The following EPHA6 variants were observed in gnomAD, a reference collection of about 807,000 sequenced individuals.
EPHA6 encodes the protein ephrin type-A receptor 6.
Under a neutral mutation model 112.0 loss-of-function variants are expected in EPHA6, and 50 were observed. That is an observed-to-expected ratio of 0.45 (90% confidence interval 0.36 to 0.56). EPHA6 has a LOEUF of 0.56. EPHA6 is among the 20% of genes least tolerant of loss of function. The probability of loss-of-function intolerance (pLI) is 0.00; values close to 1 mark genes in which losing one functional copy is unlikely to be tolerated. For missense variants in EPHA6, 1,280 were observed against 1,417.4 expected (o/e 0.90, Z 1.56); for synonymous variants, 529 against 490.7 (o/e 1.08, Z -1.03).
intron 5 of EPHA6, among the ~76,000 whole-genome samples, 178 bp from the exon 6 acceptor site, chr3:97,404,972 T>G (rs968411615): frequency 1.3e-5 from 2 of 152,188 alleles, no homozygotes; most frequent in African/African-American, 4.8e-5. Context: ...CTAAATATAT[T>G]TAATGCCTTA....
chr3:97,054,375 G>A (rs2045785513), intron 3 of EPHA6, among the ~76,000 whole-genome samples: 1 of 152,100 alleles, frequency 6.6e-6, no homozygotes. Flanking sequence ...TCACAAACGT[G>A]ATTGCTATGA....
chr3:96,877,024 TA>T (rs2037001924), intron 2 of EPHA6, among the ~76,000 whole-genome samples: 1 of 152,108 alleles, frequency 6.6e-6, no homozygotes, highest in Non-Finnish European at 1.5e-5. Context: ...GTAGATGGCA[TA>T]GTAAGTGCTA....
chr3:96,855,723 G>A (rs532848026), intron 1 of EPHA6, among the ~76,000 whole-genome samples: 71 of 150,360 alleles, frequency 4.7e-4, no homozygotes, highest in African/African-American at 1.7e-3. Context: ...GATTCCTGAA[G>A]AACATAAAAT....
chr3:97,012,585 A>G (rs569305486), intron 3 of EPHA6, among the ~76,000 whole-genome samples: 35 of 141,170 alleles, frequency 2.5e-4, no homozygotes, highest in South Asian at 4.4e-4. Context: ...AAATTTATAT[A>G]TGTGTGTGTG....
At chr3:96,941,473 C>G (rs561543671) in intron 2 of EPHA6, among the ~76,000 whole-genome samples, 1 of 152,290 alleles carries the variant, frequency 6.6e-6, no homozygotes, top group Admixed American at 6.5e-5. Context: ...CACTTCTGTG[C>G]ATTGGTTATT....
In EPHA6 at chr3:97,092,694, A is replaced by T. The variant is rs181035817; in HGVS notation, c.1114+104701A>T. 1.5e-3 allele frequency among the ~76,000 whole-genome samples: 232 copies of T among 152,150 alleles called. 1 individual carries two copies. The highest frequency in any genetic ancestry group is 5.2e-3 in the African/African-American group (216 of 41,556). On this transcript the variant is annotated intron_variant, in intron 3 of 17. Transcript: ENST00000389672. Reference sequence around the variant, plus strand: ...ACTTGAAGTGTGACTCCTTGATGGAAGAAGCCATATTATAATATCGAGCAA... The same window carrying T: ...ACTTGAAGTGTGACTCCTTGATGGATGAAGCCATATTATAATATCGAGCAA...
intron 14 of EPHA6, among the ~76,000 whole-genome samples, chr3:97,693,398 T>G (rs1306061211): frequency 2.0e-5 from 3 of 152,260 alleles, no homozygotes; most frequent in African/African-American, 7.2e-5. Context: ...ATATTTAGTC[T>G]TCTTCTGAAG....
chr3:97,318,167 C>T (rs533639747), intron 5 of EPHA6, among the ~76,000 whole-genome samples: 2 of 151,936 alleles, frequency 1.3e-5, no homozygotes, highest in African/African-American at 4.8e-5. Flanking sequence ...AACATTTTAA[C>T]GTTAAAGTCC....
chr3:97,335,396 TAGAC>T (rs981734622), intron 5 of EPHA6, among the ~76,000 whole-genome samples: 2 of 152,184 alleles, frequency 1.3e-5, no homozygotes, highest in African/African-American at 4.8e-5. Flanking sequence ...TTTTATAAAT[TAGAC>T]AGTCTCAGGC....
At chr3:97,410,174 T>C (rs1369044981) in intron 6 of EPHA6, among the ~76,000 whole-genome samples, 2 of 152,050 alleles carry the variant, frequency 1.3e-5, no homozygotes, top group African/African-American at 4.8e-5. Flanking sequence ...CAATAAGTCT[T>C]TTTTCTTCCT....
At chr3:97,458,113 T>C (rs957066979) in intron 7 of EPHA6, among the ~76,000 whole-genome samples, 13 of 149,330 alleles carry the variant, frequency 8.7e-5, no homozygotes, top group African/African-American at 3.0e-4. Context: ...GTATTCATGT[T>C]ACACTTTACT....
Position 97,637,782 on chromosome 3 carries a change from C to T in EPHA6, c.2575-91C>T, listed in dbSNP as rs1017344957. 6.6e-6 allele frequency: 6 copies of T among 906,074 alleles called. No individual in the cohort carries two copies. The Middle Eastern group carries it at 8.9e-4, about 134-fold the overall frequency. 56.1% of individuals were successfully genotyped at this position (906,074 alleles called of 1,614,324 possible). ...AGTTGATGCTTATCTTCATTTGATC[C>T]AATAAAATAAATATAAGGATCTTAT... On this transcript the variant is annotated intron_variant, in intron 13 of 17. Coordinates refer to ENST00000389672, the MANE Select transcript of EPHA6 (RefSeq NM_001080448.3).
chr3:97,655,594 G>A (rs946587720), intron 14 of EPHA6, among the ~76,000 whole-genome samples: 1 of 151,904 alleles, frequency 6.6e-6, no homozygotes. Flanking sequence ...ACATACGTGT[G>A]CATGTGTCTT....
chr3:97,735,885 C>T (rs1388554291), intron 15 of EPHA6, 40 bp from the exon 16 acceptor site: 2 of 1,438,236 alleles, frequency 1.4e-6, no homozygotes, highest in African/African-American at 2.8e-5. Flanking sequence ...TGTATTACTG[C>T]CTAAAAATAA....
intron 5 of EPHA6, among the ~76,000 whole-genome samples, chr3:97,280,667 G>A (rs559971366): frequency 2.8e-4 from 43 of 152,210 alleles, no homozygotes; most frequent in Non-Finnish European, 5.1e-4. Context: ...TTGCTGTCTA[G>A]CATGTATACA....
At chr3:97,382,490 G>A (rs555388925) in intron 5 of EPHA6, among the ~76,000 whole-genome samples, 2 of 152,126 alleles carry the variant, frequency 1.3e-5, no homozygotes, top group East Asian at 3.9e-4. Context: ...AGGCATTAAG[G>A]AATTTTTGAA....
At chr3:97,264,932 C>G (rs538295457) in intron 5 of EPHA6, among the ~76,000 whole-genome samples, 1 of 152,274 alleles carries the variant, frequency 6.6e-6, no homozygotes, top group South Asian at 2.1e-4. Context: ...GTTCAGGTCT[C>G]AGCAGAGAGC....
intron 13 of EPHA6, among the ~76,000 whole-genome samples, chr3:97,630,826 G>A (rs568361430): frequency 1.3e-5 from 2 of 151,984 alleles, no homozygotes; most frequent in African/African-American, 2.4e-5. Flanking sequence ...TACCTATTTC[G>A]TCATGTCTTC....
chr3:97,266,504 G>A (rs925152580), intron 5 of EPHA6, among the ~76,000 whole-genome samples: 3 of 149,606 alleles, frequency 2.0e-5, no homozygotes, highest in African/African-American at 7.4e-5. Flanking sequence ...AAATAAAATC[G>A]GGCTTAAAAA....
Sources: allele counts gnomAD v4.1 joint callset (sites outside exome capture counted in the v4.1 genomes callset), GRCh38; gene constraint gnomAD v4.1.1; transcripts MANE v1.5; gene names NCBI Gene and HGNC (gene_info 2026-07-23, HGNC 2026-07-21).